RYR3: variants seen among roughly 807,000 people sequenced by gnomAD.
RYR3 encodes the protein ryanodine receptor 3.
Under a neutral mutation model 584.3 loss-of-function variants are expected in RYR3, and 207 were observed. That is an observed-to-expected ratio of 0.35 (90% CI 0.32 to 0.40). RYR3 has a LOEUF of 0.40. Among genes scored for constraint, RYR3 ranks in the 10% least tolerant of loss-of-function variants. The pLI is 1.00. For missense variants in RYR3, 5,616 were observed against 6,089.2 expected, an observed-to-expected ratio of 0.92 and a Z score of 2.59; for synonymous variants, 2,416 against 2,248.5, an observed-to-expected ratio of 1.07 and a Z score of -2.11.
At chr15:33,396,580 CTG>C (rs934578714) in intron 1 of RYR3, among the ~76,000 whole-genome samples, 1 of 152,182 alleles carries the variant, frequency 6.6e-6, no homozygotes, top group Non-Finnish European at 1.5e-5. Context: ...GCAAAGGTAA[CTG>C]GGGTTTTGCC....
chr15:33,379,846 C>T lies in RYR3; in HGVS notation c.51+68750C>T, dbSNP rs369537151. Among the ~76,000 whole-genome samples the T allele has an allele frequency of 8.0e-4, 122 of 152,130 alleles. 1 individual carries two copies. The highest frequency in any genetic ancestry group is 2.7e-3 in the African/African-American group (114 of 41,466). On this transcript the variant is annotated intron_variant, in intron 1 of 103. Transcript: ENST00000634891. ...CTCAAAACCAGGGAAGCCGAAAGTG[C>T]AGCCTTCAGTCTGTGAACGAAGGCC...
intron 3 of RYR3, among the ~76,000 whole-genome samples, chr15:33,511,933 C>T (rs1426773349): frequency 1.3e-5 from 2 of 152,160 alleles, no homozygotes; most frequent in Non-Finnish European, 2.9e-5. Flanking sequence ...CGCCCGCCAC[C>T]ACGCCCGGCT....
rs35216286 is a variant in RYR3, at chr15:33,815,069, C to CAA, written c.10502+1505_10502+1506dup. On this transcript the variant is annotated intron_variant, in intron 74 of 103. Coordinates refer to ENST00000634891, the MANE Select transcript of RYR3 (RefSeq NM_001036.6). Reference sequence around the variant, plus strand: ...TGGGTGACAGAACGAGACTCTGTCTCAAAAAAAAAAAAAAAAGGAATCACA... The same window carrying CAA: ...TGGGTGACAGAACGAGACTCTGTCTCAAAAAAAAAAAAAAAAAAGGAATCACA... Among the ~76,000 whole-genome samples, 50 of 118,722 alleles carry CAA rather than the reference C, an allele frequency of 4.2e-4. 1 individual carries two copies. Among genetic ancestry groups the CAA allele is most frequent in the African/African-American group, 6.3e-4 (21 of 33,182 alleles). 77.9% of individuals were successfully genotyped at this position (118,722 alleles called of 152,430 possible).
In RYR3 at chr15:33,310,979, A is replaced by G; in HGVS notation, c.-67A>G. ...GAAAGAGCGCAGCAGCAGTCAGCGCACGCCGAGCGGCTGCCGGGGGAAGCA... is the reference window on the plus strand; with the variant it reads ...GAAAGAGCGCAGCAGCAGTCAGCGCGCGCCGAGCGGCTGCCGGGGGAAGCA... On this transcript the variant is annotated 5_prime_UTR_variant, in exon 1 of 104. Transcript: ENST00000634891. 1 of 1,275,304 alleles carries G rather than the reference A, an allele frequency of 7.8e-7. No individual in the cohort carries two copies. The highest frequency in any genetic ancestry group is 1.1e-6 in the Non-Finnish European group (1 of 900,712). 79.0% of individuals were successfully genotyped at this position (1,275,304 alleles called of 1,614,324 possible). A position where few individuals can be genotyped will look rare whatever the true frequency, so the allele number is the denominator to read the frequency against.
chr15:33,700,958 T>C lies in RYR3; in HGVS notation c.6380-19T>C. ...TCTTCCTCTGTCCTTTTCTTGCTAA[T>C]TCTCCCCTCCTCCCTCAGCCTCCCC... On this transcript the variant is annotated intron_variant, in intron 41 of 103. Transcript: ENST00000634891. The C allele has an allele frequency of 6.3e-7, 1 of 1,589,310 alleles. No individual in the cohort carries two copies. The highest frequency in any genetic ancestry group is 8.6e-7 in the Non-Finnish European group (1 of 1,160,418).
intron 1 of RYR3, among the ~76,000 whole-genome samples, chr15:33,326,089 C>T (rs1325852496): frequency 6.6e-6 from 1 of 152,190 alleles, no homozygotes; most frequent in Non-Finnish European, 1.5e-5. Flanking sequence ...CAGGTGTGAG[C>T]AACCATGCCC....
intron 12 of RYR3, among the ~76,000 whole-genome samples, chr15:33,572,481 C>T (rs188736839): frequency 6.6e-6 from 1 of 151,604 alleles, no homozygotes; most frequent in African/African-American, 2.4e-5. Flanking sequence ...AGCTAGGGTC[C>T]TCTCCAGTTT....
At chr15:33,590,317 T>C (rs1360363775) in intron 16 of RYR3, among the ~76,000 whole-genome samples, 3 of 152,206 alleles carry the variant, frequency 2.0e-5, no homozygotes, top group Admixed American at 2.0e-4. Context: ...TAGCTTGGGC[T>C]CAGAGGCCTG....
chr15:33,854,960 G>A, intron 98 of RYR3, 48 bp downstream of exon 98: 4 of 1,522,768 alleles, frequency 2.6e-6, no homozygotes, highest in Non-Finnish European at 2.6e-6. Context: ...ATATGCACAG[G>A]AAAAAAAGAA....
rs557024139 is a variant in RYR3 at position 33,701,367 on chromosome 15, G to A, written c.6483+287G>A. ...ACATGGAACATTACCAGATGCCGGT[G>A]GTTCCTAATAAAGTTCTGCGTAATT... On this transcript the variant is annotated intron_variant, in intron 42 of 103. Coordinates refer to ENST00000634891, the MANE Select transcript of RYR3 (RefSeq NM_001036.6). 2.6e-5 allele frequency among the ~76,000 whole-genome samples: 4 copies of A among 152,226 alleles called. No homozygotes were observed. In the South Asian group the frequency reaches 8.3e-4, roughly 32 times the overall value.
At chr15:33,853,133 T>C in intron 95 of RYR3, 46 bp downstream of exon 95, 1 of 1,487,798 alleles carries the variant, frequency 6.7e-7, no homozygotes, top group Non-Finnish European at 9.0e-7. Context: ...CCAAAAAATG[T>C]GGTGTATGTT....
intron 57 of RYR3, among the ~76,000 whole-genome samples, chr15:33,752,775 G>A (rs2071439652): frequency 6.6e-6 from 1 of 152,194 alleles, no homozygotes; most frequent in Non-Finnish European, 1.5e-5. Context: ...ATGTTGAATA[G>A]GAGTGGTGAG....
intron 30 of RYR3, 61 bp downstream of exon 30, chr15:33,647,521 TG>T: frequency 8.2e-7 from 1 of 1,220,058 alleles, no homozygotes; most frequent in Non-Finnish European, 1.2e-6. Context: ...CCTGGTAATA[TG>T]CCCCTTACAG....
intron 5 of RYR3, 101 bp from the exon 6 acceptor site, chr15:33,539,249 G>A: frequency 1.4e-6 from 1 of 705,654 alleles, no homozygotes; most frequent in Non-Finnish European, 2.5e-6. Context: ...CACTTGTTGT[G>A]TGCACGTGAA....
intron 18 of RYR3, 111 bp from the exon 19 acceptor site, chr15:33,613,072 T>C (rs1341794926): frequency 4.2e-6 from 3 of 715,192 alleles, no homozygotes; most frequent in Non-Finnish European, 7.2e-6. Flanking sequence ...CCTCCGGACC[T>C]CTTGAGTACC....
intron 19 of RYR3, among the ~76,000 whole-genome samples, chr15:33,616,744 G>C (rs2101818): frequency 0.47 from 71,420 of 152,052 alleles, 17,339 homozygotes; most frequent in Middle Eastern, 0.59. Context: ...CAAGCTTCCT[G>C]TCTCTCAGGA....
intron 1 of RYR3, among the ~76,000 whole-genome samples, chr15:33,436,699 T>G (rs1446547871): frequency 2.0e-5 from 3 of 151,828 alleles, no homozygotes; most frequent in East Asian, 1.9e-4. Flanking sequence ...AGAGACGAGG[T>G]TTCACCATCT....
At chr15:33,778,412 C>T (rs1465628009) in intron 64 of RYR3, among the ~76,000 whole-genome samples, 1 of 152,166 alleles carries the variant, frequency 6.6e-6, no homozygotes, top group Non-Finnish European at 1.5e-5. Context: ...AAAAAAATTG[C>T]CTCTTGTGAA....
At chr15:33,748,348 A>T in intron 54 of RYR3, 88 bp downstream of exon 54, 1 of 1,534,112 alleles carries the variant, frequency 6.5e-7, no homozygotes, top group Non-Finnish European at 9.0e-7. Flanking sequence ...CGTAGGTGGG[A>T]CCATCTAAGA....
Sources: gnomAD v4.1 joint callset for allele counts (sites outside exome capture counted in the v4.1 genomes callset) on GRCh38, gnomAD v4.1.1 for gene constraint, MANE v1.5 for transcripts, NCBI Gene and HGNC (gene_info 2026-07-23, HGNC 2026-07-21) for gene names.